RBFOX1: variants seen among roughly 807,000 people sequenced by gnomAD.
The protein encoded by RBFOX1 is RNA binding protein fox-1 homolog 1.
A neutral mutation model predicts 57.7 loss-of-function variants in RBFOX1; 8 were observed. The observed-to-expected ratio is 0.14, with a 90% CI of 0.08 to 0.25. The LOEUF (loss-of-function observed/expected upper bound fraction) is 0.25, where lower values mean the gene tolerates loss of function less well. RBFOX1 is among the 10% of genes least tolerant of loss of function. The pLI is 1.00. For synonymous variants in RBFOX1, 326 were observed against 222.4 expected, an observed-to-expected ratio of 1.47 and a Z score of -4.15; for missense variants, 611 against 548.5, an observed-to-expected ratio of 1.11 and a Z score of -1.14.
chr16:6,930,227 A>G (rs193051046), intron 3 of RBFOX1, among the ~76,000 whole-genome samples: 1 of 152,244 alleles, frequency 6.6e-6, no homozygotes, highest in East Asian at 1.9e-4. Context: ...AAAACTCAAC[A>G]ACAGAAAAGC....
At chr16:7,523,999 C>G (rs1055089847) in intron 5 of RBFOX1, among the ~76,000 whole-genome samples, 3 of 152,164 alleles carry the variant, frequency 2.0e-5, no homozygotes, top group Admixed American at 2.0e-4. Context: ...TATCCATGAC[C>G]CTGTATTTGC....
intron 4 of RBFOX1, among the ~76,000 whole-genome samples, chr16:7,312,542 G>GGT (rs1381443860): frequency 6.6e-6 from 1 of 152,120 alleles, no homozygotes; most frequent in East Asian, 1.9e-4. Flanking sequence ...AAGGGACTTG[G>GGT]GTGTCACTCC....
intron 2 of RBFOX1, among the ~76,000 whole-genome samples, chr16:6,638,603 T>C (rs1159060408): frequency 6.6e-6 from 1 of 152,154 alleles, no homozygotes; most frequent in Admixed American, 6.5e-5. Flanking sequence ...TGAATGAAGG[T>C]GTGTACACAT....
intron 1 of RBFOX1, among the ~76,000 whole-genome samples, chr16:5,363,234 A>G (rs1190362540): frequency 6.7e-6 from 1 of 148,274 alleles, no homozygotes; most frequent in Non-Finnish European, 1.5e-5. Context: ...TAGTAGAGAC[A>G]GGATTTCGCC....
At chr16:6,329,798 A>C (rs780198708) in intron 2 of RBFOX1, among the ~76,000 whole-genome samples, 7 of 152,072 alleles carry the variant, frequency 4.6e-5, no homozygotes, top group Non-Finnish European at 5.9e-5. Context: ...ATTAAGTGGG[A>C]ATAGTGTCAC....
At chr16:7,362,504 C>G (rs948399969) in intron 4 of RBFOX1, among the ~76,000 whole-genome samples, 2 of 142,682 alleles carry the variant, frequency 1.4e-5, no homozygotes, top group Non-Finnish European at 3.0e-5. Flanking sequence ...TTAGTATGTG[C>G]ATGTTTTTTG....
intron 1 of RBFOX1, among the ~76,000 whole-genome samples, chr16:6,167,519 G>C (rs145571671): frequency 4.3e-4 from 66 of 152,120 alleles, no homozygotes; most frequent in Non-Finnish European, 7.2e-4. Context: ...ATTACTCTTT[G>C]TTTTGGGGAC....
intron 1 of RBFOX1, among the ~76,000 whole-genome samples, chr16:6,059,642 T>G (rs2095658756): frequency 6.6e-6 from 1 of 152,178 alleles, no homozygotes; most frequent in Admixed American, 6.5e-5. Flanking sequence ...TTGAGGTTAT[T>G]CAAACTGAGC....
intron 3 of RBFOX1, among the ~76,000 whole-genome samples, chr16:6,960,759 TTG>T (rs2082794417): frequency 6.6e-6 from 1 of 151,982 alleles, no homozygotes; most frequent in Admixed American, 6.6e-5. Context: ...AACTCAGACT[TTG>T]AGCTCTTCAA....
intron 1 of RBFOX1, among the ~76,000 whole-genome samples, chr16:6,247,625 T>A (rs1042071518): frequency 3.3e-5 from 5 of 152,172 alleles, no homozygotes; most frequent in Admixed American, 1.3e-4. Context: ...ACAGGAGTCA[T>A]AGTTATTATC....
At chr16:6,696,399 A>G (rs1274386790) in intron 3 of RBFOX1, among the ~76,000 whole-genome samples, 3 of 152,316 alleles carry the variant, frequency 2.0e-5, no homozygotes, top group South Asian at 2.1e-4. Flanking sequence ...TGAAACCTCA[A>G]TTCATTTTCT....
chr16:5,613,184 T>C (rs866872999), intron 3 of RBFOX1, among the ~76,000 whole-genome samples: 4 of 152,290 alleles, frequency 2.6e-5, no homozygotes, highest in Middle Eastern at 3.4e-3. Context: ...GGGAAACAGT[T>C]GTTGACATGG....
chr16:7,579,073 G>C lies in RBFOX1; in HGVS notation c.271-704G>C, dbSNP rs112980672. 6.8e-3 allele frequency among the ~76,000 whole-genome samples: 1,038 copies of C among 152,284 alleles called. 14 individuals carry two copies. Among genetic ancestry groups the C allele is most frequent in the African/African-American group, 0.024 (994 of 41,564 alleles). On this transcript the variant is annotated intron_variant, in intron 5 of 15. Transcript: ENST00000550418. ...AGTATGGAAGCAATAACTACATGTGGTTCTTGAGCGCTTGAAATGCAGCTA... is the reference window on the plus strand; with the variant it reads ...AGTATGGAAGCAATAACTACATGTGCTTCTTGAGCGCTTGAAATGCAGCTA...
intron 4 of RBFOX1, among the ~76,000 whole-genome samples, chr16:7,222,518 T>C (rs980775676): frequency 6.6e-6 from 1 of 152,188 alleles, no homozygotes; most frequent in Non-Finnish European, 1.5e-5. Context: ...GTTAGCACTC[T>C]TGATAACAGG....
intron 1 of RBFOX1, among the ~76,000 whole-genome samples, chr16:6,295,039 C>G (rs61547418): frequency 0.23 from 34,962 of 151,372 alleles, 4,163 homozygotes; most frequent in South Asian, 0.25. Context: ...CCACTATACT[C>G]TCTTTCTCCC....
At chr16:5,770,398 A>C (rs9927274) in intron 3 of RBFOX1, among the ~76,000 whole-genome samples, 59,939 of 152,002 alleles carry the variant, frequency 0.39, 12,200 homozygotes, top group East Asian at 0.61. Context: ...TAACACCTGG[A>C]AGTTACCTTA....
rs1385892333 is a variant in RBFOX1, at chr16:7,407,227, A to G, written c.28-110920A>G. On this transcript the variant is annotated intron_variant, in intron 4 of 15. Coordinates refer to ENST00000550418, the MANE Select transcript of RBFOX1 (RefSeq NM_018723.4). ...TCACATCCATAAACTCCCTCTTGCC[A>G]GGTAAAGTGAGGATTAGGACATGAG... 2.6e-5 allele frequency among the ~76,000 whole-genome samples: 4 copies of G among 152,148 alleles called. No homozygotes were observed. The East Asian group carries it at 7.7e-4, about 29-fold the overall frequency.
chr16:6,200,989 A>G (rs569221616), intron 1 of RBFOX1, among the ~76,000 whole-genome samples: 1 of 151,946 alleles, frequency 6.6e-6, no homozygotes, highest in East Asian at 1.9e-4. Flanking sequence ...GCAAATGTGA[A>G]ATCCGCATTA....
At chr16:6,893,577 G>C (rs1327617356) in intron 3 of RBFOX1, among the ~76,000 whole-genome samples, 1 of 152,064 alleles carries the variant, frequency 6.6e-6, no homozygotes, top group East Asian at 1.9e-4. Context: ...AGTAAATTTA[G>C]ACCACAAAGA....
Sources: gnomAD v4.1 joint callset for allele counts (sites outside exome capture counted in the v4.1 genomes callset) on GRCh38, gnomAD v4.1.1 for gene constraint, MANE v1.5 for transcripts, NCBI Gene and HGNC (gene_info 2026-07-23, HGNC 2026-07-21) for gene names.